UBE2D3: variants seen among roughly 807,000 people sequenced by gnomAD.
The protein encoded by UBE2D3 is ubiquitin conjugating enzyme E2 D3.
A neutral mutation model predicts 22.8 loss-of-function variants in UBE2D3; 2 were observed. That is an observed-to-expected ratio of 0.09 (90% CI 0.04 to 0.28). The LOEUF (loss-of-function observed/expected upper bound fraction) is 0.28. Among genes scored for constraint, UBE2D3 ranks in the 10% least tolerant of loss-of-function variants. UBE2D3 has a pLI of 1.00. For missense variants in UBE2D3, 27 were observed against 182.5 expected (o/e 0.15, Z 4.91); for synonymous variants, 56 against 60.4 (o/e 0.93, Z 0.34).
chr4:102,807,806 G>T (rs926584541), intron 4 of UBE2D3, among the ~76,000 whole-genome samples: 1 of 152,262 alleles, frequency 6.6e-6, no homozygotes, highest in Non-Finnish European at 1.5e-5. Flanking sequence ...CATCATTCAT[G>T]TTTCCTTTTG....
At position 102,808,058 on chromosome 4, in the gene UBE2D3, A is replaced by G. The variant is rs893543971; in HGVS notation, c.120+1614T>C. ...TGAGCTTTATTTTAAGGCATTTTAT[A>G]GCATTCTTTGAAAACTGGTAATCCA... On this transcript the variant is annotated intron_variant, in intron 4 of 7. Coordinates refer to ENST00000453744, the MANE Select transcript of UBE2D3 (RefSeq NM_181891.3). 2.6e-5 allele frequency among the ~76,000 whole-genome samples: 4 copies of G among 152,360 alleles called. No homozygotes were observed. The East Asian group carries it at 7.7e-4, about 29-fold the overall frequency.
At chr4:102,807,364 A>C (rs995350203) in intron 4 of UBE2D3, among the ~76,000 whole-genome samples, 1 of 152,240 alleles carries the variant, frequency 6.6e-6, no homozygotes, top group African/African-American at 2.4e-5. Context: ...ATAGTTAACT[A>C]TTTAAAGCTG....
intron 1 of UBE2D3, among the ~76,000 whole-genome samples, chr4:102,835,123 A>T (rs1731322598): frequency 6.6e-6 from 1 of 152,216 alleles, no homozygotes; most frequent in Non-Finnish European, 1.5e-5. Flanking sequence ...CCTCATTATG[A>T]GTAATAGTAA....
intron 2 of UBE2D3, chr4:102,810,920 A>G (rs932738966): frequency 3.9e-5 from 6 of 152,128 alleles, no homozygotes; most frequent in African/African-American, 1.4e-4. Flanking sequence ...TTTTCAAACT[A>G]ACAGTTTCTC....
Position 102,797,395 on chromosome 4 carries a change from ATTCTGAC to A in UBE2D3, c.*13_*19del, listed in dbSNP as rs1246607485. 5 of 1,587,994 alleles carry A rather than the reference ATTCTGAC, an allele frequency of 3.1e-6. No individual in the cohort carries two copies. The highest frequency in any genetic ancestry group is 4.3e-6 in the Non-Finnish European group (5 of 1,164,224). On this transcript the variant is annotated 3_prime_UTR_variant, in exon 8 of 8. Transcript: ENST00000453744. ...GTTTATTCCAGCTATAATGCAGGTT[ATTCTGAC>A]TTTAAGGTAGCATCACATGGCATAC...
chr4:102,797,777 AT>A (rs1725435568), intron 7 of UBE2D3, among the ~76,000 whole-genome samples: 1 of 152,022 alleles, frequency 6.6e-6, no homozygotes, highest in African/African-American at 2.4e-5. Context: ...ACGTGAAGAA[AT>A]TTTTACAGTT....
chr4:102,853,996 C>T (rs1273630118), intron 1 of UBE2D3, among the ~76,000 whole-genome samples: 1 of 152,148 alleles, frequency 6.6e-6, no homozygotes, highest in African/African-American at 2.4e-5. Context: ...AATTGTCAGT[C>T]TGTTAGACTA....
At chr4:102,820,050 A>G (rs1729352579) in intron 2 of UBE2D3, among the ~76,000 whole-genome samples, 1 of 151,556 alleles carries the variant, frequency 6.6e-6, no homozygotes. Flanking sequence ...GGTGGGAAAC[A>G]AAGGGAGTAA....
chr4:102,804,058 T>C (rs1476206386), intron 4 of UBE2D3, among the ~76,000 whole-genome samples: 1 of 152,058 alleles, frequency 6.6e-6, no homozygotes, highest in Non-Finnish European at 1.5e-5. Context: ...TGTGAGCTAC[T>C]GTACCCAGCC....
chr4:102,860,404 GGTGTGT>G (rs540255423), intron 1 of UBE2D3, among the ~76,000 whole-genome samples: 1 of 122,752 alleles, frequency 8.1e-6, no homozygotes, highest in African/African-American at 3.4e-5. Context: ...ATGTTTTCCT[GGTGTGT>G]GTGTGTGTGT....
intron 1 of UBE2D3, among the ~76,000 whole-genome samples, chr4:102,848,920 CCTGT>C (rs1560889542): frequency 1.0e-5 from 1 of 96,484 alleles, no homozygotes; most frequent in Non-Finnish European, 2.1e-5. Flanking sequence ...TTTATGTGTG[CCTGT>C]GTGTGTGTGT....
At chr4:102,839,562 G>A (rs763372549) in intron 1 of UBE2D3, among the ~76,000 whole-genome samples, 3 of 152,182 alleles carry the variant, frequency 2.0e-5, no homozygotes, top group Non-Finnish European at 4.4e-5. Context: ...GTGAGCTACT[G>A]CACCCGGCCT....
rs551570646 is a variant in UBE2D3, at chr4:102,827,065, A to G, written c.-129+362T>C. ...GTCCAAAGGTGCGGCCGGGAAAAGG[A>G]AGGAAATAAAGGAAGGGAGACTTGA... On this transcript the variant is annotated intron_variant, in intron 1 of 7. Coordinates refer to ENST00000453744, the MANE Select transcript of UBE2D3 (RefSeq NM_181891.3). The G allele has an allele frequency of 7.1e-6, 7 of 989,794 alleles. No homozygotes were observed. In the South Asian group the frequency reaches 3.1e-4, roughly 44 times the overall value. 61.3% of individuals were successfully genotyped at this position (989,794 alleles called of 1,614,324 possible).
chr4:102,861,883 G>C (rs1384289429), intron 1 of UBE2D3, among the ~76,000 whole-genome samples: 1 of 151,818 alleles, frequency 6.6e-6, no homozygotes, highest in Non-Finnish European at 1.5e-5. Context: ...TTTCTTCAGA[G>C]CTCACTCTAT....
At position 102,868,788 on chromosome 4, in the gene UBE2D3, T is replaced by C. The variant is rs747963915; in HGVS notation, c.-202A>G. On this transcript the variant is annotated 5_prime_UTR_variant, in exon 1 of 8. Transcript: ENST00000338145. The stretch of plus-strand genomic sequence containing the variant: ...TCGCACACAGTATCCTTTCTGCTGG[T>C]CTCCAGCATCTACAGACGTTAAAGG... 1.5e-5 allele frequency: 24 copies of C among 1,612,796 alleles called. No homozygotes were observed. The Admixed American group carries it at 4.0e-4, about 27-fold the overall frequency.
intron 1 of UBE2D3, among the ~76,000 whole-genome samples, chr4:102,859,378 G>C (rs1732773934): frequency 6.6e-6 from 1 of 151,942 alleles, no homozygotes. Context: ...ATGTGTCTCA[G>C]TGAAAAAATT....
intron 5 of UBE2D3, chr4:102,802,001 T>C (rs1207380390): frequency 2.5e-5 from 4 of 157,764 alleles, no homozygotes; most frequent in South Asian, 1.8e-4. Context: ...AACCATCACA[T>C]TGCACCTATA....
At chr4:102,837,569 T>C (rs1323408217) in intron 1 of UBE2D3, among the ~76,000 whole-genome samples, 1 of 152,202 alleles carries the variant, frequency 6.6e-6, no homozygotes, top group Non-Finnish European at 1.5e-5. Context: ...ATGCCTGTAA[T>C]CCCAGCATTT....
At chr4:102,797,852 C>G (rs1345393187) in intron 7 of UBE2D3, among the ~76,000 whole-genome samples, 2 of 151,772 alleles carry the variant, frequency 1.3e-5, no homozygotes. Flanking sequence ...TCCACCAAGG[C>G]CAGAACTAGG....
Sources: allele counts gnomAD v4.1 joint callset (sites outside exome capture counted in the v4.1 genomes callset), GRCh38; gene constraint gnomAD v4.1.1; transcripts MANE v1.5; gene names NCBI Gene and HGNC (gene_info 2026-07-23, HGNC 2026-07-21).